TPO: variants seen among roughly 807,000 people sequenced by gnomAD.
TPO encodes the protein thyroid peroxidase.
In TPO, 78 loss-of-function variants were observed where a neutral mutation model predicts 96.9. The observed-to-expected ratio is 0.81, with a 90% CI of 0.67 to 0.97. TPO has a LOEUF of 0.97. TPO is among the 50% of genes least tolerant of loss of function. TPO has a pLI of 0.00. For missense variants in TPO, 1,252 were observed against 1,274.8 expected, an observed-to-expected ratio of 0.98 and a Z score of 0.27; for synonymous variants, 547 against 538.0, an observed-to-expected ratio of 1.02 and a Z score of -0.23.
At chr2:1,416,072 A>G (rs899331430) in intron 2 of TPO, among the ~76,000 whole-genome samples, 2 of 152,198 alleles carry the variant, frequency 1.3e-5, no homozygotes, top group African/African-American at 4.8e-5. Context: ...CTCCCCTGCA[A>G]ATGGAGAACA....
At chr2:1,402,861 G>A (rs1259940804) in intron 1 of TPO, among the ~76,000 whole-genome samples, 1 of 152,132 alleles carries the variant, frequency 6.6e-6, no homozygotes, top group African/African-American at 2.4e-5. Flanking sequence ...CCCATATTTT[G>A]TACATCTTGA....
chr2:1,445,959 G>A lies in TPO; in HGVS notation c.483-7735G>A, dbSNP rs367587074. On this transcript the variant is annotated intron_variant, in intron 5 of 16. Coordinates refer to ENST00000329066, the MANE Select transcript of TPO (RefSeq NM_001206744.2). ...CTGCAGGAGGTACCATGTTGGATAT[G>A]GTACCATGTTGGATAAGTGGCACAG... Among the ~76,000 whole-genome samples, 11 of 152,332 alleles carry A rather than the reference G, an allele frequency of 7.2e-5. No individual in the cohort carries two copies. In the East Asian group the frequency reaches 1.2e-3, roughly 16 times the overall value.
chr2:1,401,286 A>C (rs544599620), intron 1 of TPO, among the ~76,000 whole-genome samples: 1 of 152,346 alleles, frequency 6.6e-6, no homozygotes, highest in South Asian at 2.1e-4. Context: ...CAGCACTCGG[A>C]AACAGAGGAG....
chr2:1,502,186 C>T (rs1672937514), intron 13 of TPO, among the ~76,000 whole-genome samples: 1 of 152,118 alleles, frequency 6.6e-6, no homozygotes, highest in African/African-American at 2.4e-5. Context: ...TCACACAGCT[C>T]TGGTGCTCCA....
chr2:1,387,356 CAT>C (rs1661919992), intron 1 of TPO, among the ~76,000 whole-genome samples: 2 of 152,192 alleles, frequency 1.3e-5, no homozygotes, highest in African/African-American at 4.8e-5. Context: ...ACCAATCAGA[CAT>C]AGATTTGGTC....
rs1270299264 is a variant in TPO, at chr2:1,542,678, C to A, written c.*204C>A. On this transcript the variant is annotated 3_prime_UTR_variant, in exon 17 of 17. Transcript: ENST00000329066. ...GTCTGGCCTTTTCTTGTAAACATTG[C>A]CTGATTTGTTCCTTCTGGGGCTTTG... 2 of 1,464,594 alleles carry A rather than the reference C, an allele frequency of 1.4e-6. No homozygotes were observed. Among genetic ancestry groups the A allele is most frequent in the Non-Finnish European group, 1.9e-6 (2 of 1,078,684 alleles). 90.7% of individuals were successfully genotyped at this position (1,464,594 alleles called of 1,614,324 possible).
At chr2:1,524,089 T>C (rs1675840803) in intron 15 of TPO, among the ~76,000 whole-genome samples, 1 of 95,798 alleles carries the variant, frequency 1.0e-5, no homozygotes, top group Non-Finnish European at 2.0e-5. Context: ...GTGTGCAACC[T>C]CACCAAATTC....
intron 11 of TPO, 142 bp downstream of exon 11, chr2:1,494,181 C>A: frequency 1.2e-6 from 1 of 866,586 alleles, no homozygotes; most frequent in Non-Finnish European, 1.9e-6. Context: ...GTTGTTTCTC[C>A]CACCCACAGC....
At chr2:1,392,584 A>G (rs1224303569) in intron 1 of TPO, among the ~76,000 whole-genome samples, 1 of 152,204 alleles carries the variant, frequency 6.6e-6, no homozygotes, top group Non-Finnish European at 1.5e-5. Flanking sequence ...GAATGGTACC[A>G]GTTCCTCTTT....
chr2:1,374,614 A>G (rs533674096), intron 1 of TPO, among the ~76,000 whole-genome samples: 94 of 152,338 alleles, frequency 6.2e-4, no homozygotes, highest in African/African-American at 2.2e-3. Context: ...TTAACTGACA[A>G]AATTTGAAAC....
upstream of TPO, among the ~76,000 whole-genome samples, chr2:1,410,979 C>T (rs1396993692): frequency 1.3e-5 from 2 of 152,178 alleles, no homozygotes. Flanking sequence ...CTGGGGGCTT[C>T]AGCCAGATCT....
intron 7 of TPO, among the ~76,000 whole-genome samples, chr2:1,471,496 G>T (rs1291741101): frequency 1.3e-5 from 2 of 151,572 alleles, no homozygotes; most frequent in African/African-American, 4.9e-5. Context: ...TTCAAAATAG[G>T]TTTTAATTCA....
intron 9 of TPO, 34 bp from the exon 10 acceptor site, chr2:1,487,787 G>A: frequency 6.2e-7 from 1 of 1,613,806 alleles, no homozygotes; most frequent in Non-Finnish European, 8.5e-7. Flanking sequence ...ACTGAGCCAA[G>A]AGCTGTCCTT....
chr2:1,456,374 T>C (rs1397827392), intron 7 of TPO, 92 bp downstream of exon 7: 3 of 1,364,448 alleles, frequency 2.2e-6, no homozygotes. Flanking sequence ...TGTGAAAGTC[T>C]GTTTCTTTGT....
intron 14 of TPO, among the ~76,000 whole-genome samples, chr2:1,508,263 C>G (rs1362513288): frequency 4.6e-5 from 7 of 151,952 alleles, no homozygotes; most frequent in African/African-American, 7.2e-5. Flanking sequence ...TAAGCTTTTT[C>G]ATTTGCTGCT....
chr2:1,436,014 A>G (rs866984822), intron 4 of TPO, among the ~76,000 whole-genome samples: 1 of 152,202 alleles, frequency 6.6e-6, no homozygotes, highest in African/African-American at 2.4e-5. Flanking sequence ...CTGAAAGATC[A>G]CAGAGCAAAA....
chr2:1,442,930 T>A (rs1465633422), intron 5 of TPO, among the ~76,000 whole-genome samples: 1 of 152,226 alleles, frequency 6.6e-6, no homozygotes, highest in East Asian at 1.9e-4. Flanking sequence ...GTGTGATTTT[T>A]CTTTGAAAAA....
rs1325509230 is a variant in TPO, at chr2:1,542,715, T to C, written c.*241T>C. ...CTTCTGGGGCTTTGCCATTAAAATG[T>C]ATTTACAGATTACACATCTTTATTT... On this transcript the variant is annotated 3_prime_UTR_variant, in exon 17 of 17. Transcript: ENST00000329066. The C allele has an allele frequency of 5.9e-6, 7 of 1,183,272 alleles. No homozygotes were observed. The highest frequency in any genetic ancestry group is 8.3e-6 in the Non-Finnish European group (7 of 846,608). The allele number at this position is 1,183,272 out of a possible 1,614,324, so 73.3% of individuals were successfully genotyped here. A position where few individuals can be genotyped will look rare whatever the true frequency, so the allele number is the denominator to read the frequency against.
At chr2:1,426,685 A>G (rs1259063451) in intron 3 of TPO, among the ~76,000 whole-genome samples, 1 of 152,260 alleles carries the variant, frequency 6.6e-6, no homozygotes, top group Non-Finnish European at 1.5e-5. Context: ...CTGTAAAGAC[A>G]GACACCTGAA....
Sources: allele counts gnomAD v4.1 joint callset (sites outside exome capture counted in the v4.1 genomes callset), GRCh38; gene constraint gnomAD v4.1.1; transcripts MANE v1.5; gene names NCBI Gene and HGNC (gene_info 2026-07-23, HGNC 2026-07-21).